PDCL2: variants seen among roughly 807,000 people sequenced by gnomAD.
The protein encoded by PDCL2 is phosducin-like protein 2.
PDCL2 carries 23 observed loss-of-function variants against 30.3 expected under a neutral mutation model. The observed-to-expected ratio is 0.76, with a 90% CI of 0.55 to 1.08. The LOEUF (loss-of-function observed/expected upper bound fraction) is 1.08. PDCL2 is among the 50% of genes least tolerant of loss of function. The probability of loss-of-function intolerance (pLI) is 0.00; values close to 1 mark genes in which losing one functional copy is unlikely to be tolerated. For missense variants in PDCL2, 243 were observed against 282.3 expected (o/e 0.86, Z 1.00); for synonymous variants, 68 against 86.2 (o/e 0.79, Z 1.17).
intron 3 of PDCL2, among the ~76,000 whole-genome samples, chr4:55,572,585 A>T (rs1320990523): frequency 6.6e-6 from 1 of 152,230 alleles, no homozygotes; most frequent in Non-Finnish European, 1.5e-5. Flanking sequence ...TGAGGGGATC[A>T]ATCATATCCC....
At position 55,591,313 on chromosome 4, in the gene PDCL2, A is replaced by C. The variant is rs547198087; in HGVS notation, c.6+791T>G. Reference sequence around the variant, plus strand: ...TACCAAAAAAAAAAAAGGACGGCACAGGCTTCTGATTAATAAGGAACCATT... The same window carrying C: ...TACCAAAAAAAAAAAAGGACGGCACCGGCTTCTGATTAATAAGGAACCATT... On this transcript the variant is annotated intron_variant, in intron 1 of 5. Transcript: ENST00000295645. Among the ~76,000 whole-genome samples the C allele has an allele frequency of 2.6e-3, 388 of 151,692 alleles. 3 individuals carry two copies. The highest frequency in any genetic ancestry group is 9.0e-3 in the African/African-American group (374 of 41,404).
At chr4:55,563,783 A>G (rs766594477) in intron 4 of PDCL2, among the ~76,000 whole-genome samples, 36 of 152,190 alleles carry the variant, frequency 2.4e-4, no homozygotes, top group Non-Finnish European at 3.4e-4. Context: ...TACAGTGACA[A>G]GACAGGCTAT....
At chr4:55,577,140 C>CT (rs1476941732) in intron 3 of PDCL2, among the ~76,000 whole-genome samples, 1 of 152,206 alleles carries the variant, frequency 6.6e-6, no homozygotes, top group African/African-American at 2.4e-5. Context: ...GGTGATCCGC[C>CT]TGCCTTGGTC....
chr4:55,579,177 CT>C (rs1017154763), intron 3 of PDCL2, among the ~76,000 whole-genome samples: 178 of 139,790 alleles, frequency 1.3e-3, no homozygotes, highest in Middle Eastern at 3.8e-3. Context: ...ACTCCTGGGA[CT>C]TTTTTTTTTT....
intron 3 of PDCL2, among the ~76,000 whole-genome samples, chr4:55,576,529 A>T (rs966849810): frequency 9.8e-5 from 15 of 152,358 alleles, no homozygotes; most frequent in Admixed American, 7.8e-4. Flanking sequence ...AAGGAGAAGG[A>T]TGGAGATGTG....
At chr4:55,588,072 G>A (rs1365025177) in intron 1 of PDCL2, among the ~76,000 whole-genome samples, 3 of 151,988 alleles carry the variant, frequency 2.0e-5, no homozygotes, top group Non-Finnish European at 4.4e-5. Flanking sequence ...GTTAATTTTT[G>A]TATACAGTTG....
At chr4:55,560,929 C>A (rs2110152255) in intron 5 of PDCL2, among the ~76,000 whole-genome samples, 1 of 152,260 alleles carries the variant, frequency 6.6e-6, no homozygotes, top group African/African-American at 2.4e-5. Context: ...TGATCTGGGA[C>A]TTCCCAGCCT....
intron 3 of PDCL2, among the ~76,000 whole-genome samples, chr4:55,572,032 C>T (rs1351989971): frequency 6.6e-6 from 1 of 152,046 alleles, no homozygotes; most frequent in Non-Finnish European, 1.5e-5. Context: ...TCTAATGGTG[C>T]AACTATCAAC....
chr4:55,564,854 G>A (rs181563350), intron 4 of PDCL2, among the ~76,000 whole-genome samples: 6 of 152,194 alleles, frequency 3.9e-5, no homozygotes, highest in African/African-American at 1.4e-4. Context: ...TTTTAACAGT[G>A]AGAGAATTAT....
chr4:55,572,180 G>C (rs1732443260), intron 3 of PDCL2, among the ~76,000 whole-genome samples: 1 of 152,264 alleles, frequency 6.6e-6, no homozygotes, highest in Non-Finnish European at 1.5e-5. Flanking sequence ...TCAATGGCCT[G>C]CGTTTTTCAC....
At chr4:55,577,784 A>G (rs911707205) in intron 3 of PDCL2, among the ~76,000 whole-genome samples, 2 of 152,176 alleles carry the variant, frequency 1.3e-5, no homozygotes. Context: ...TCCGTAAGAT[A>G]GTTGTCTTAA....
chr4:55,585,211 G>A (rs547503617), intron 1 of PDCL2, among the ~76,000 whole-genome samples: 11 of 152,250 alleles, frequency 7.2e-5, no homozygotes, highest in Non-Finnish European at 1.5e-4. Flanking sequence ...TGGCTTTGAT[G>A]TCAAGGTAAT....
At chr4:55,568,733 C>G (rs1233994882) in intron 4 of PDCL2, among the ~76,000 whole-genome samples, 1 of 152,132 alleles carries the variant, frequency 6.6e-6, no homozygotes, top group East Asian at 1.9e-4. Context: ...ATTCTCCACC[C>G]AGTAACATCC....
At chr4:55,584,943 G>T (rs6554292) in intron 1 of PDCL2, among the ~76,000 whole-genome samples, 64,173 of 151,968 alleles carry the variant, frequency 0.42, 15,235 homozygotes, top group African/African-American at 0.64. Flanking sequence ...ATTAAATTTG[G>T]TTGAATGTTT....
intron 3 of PDCL2, among the ~76,000 whole-genome samples, chr4:55,576,066 A>G (rs1732560938): frequency 6.6e-6 from 1 of 152,100 alleles, no homozygotes; most frequent in Non-Finnish European, 1.5e-5. Context: ...TACATAGGAA[A>G]ATGTAAAAGC....
At chr4:55,587,616 T>C (rs1302385888) in intron 1 of PDCL2, among the ~76,000 whole-genome samples, 4 of 151,910 alleles carry the variant, frequency 2.6e-5, no homozygotes, top group African/African-American at 9.7e-5. Context: ...TGGAGTGCAG[T>C]GGAGCAATCT....
intron 1 of PDCL2, among the ~76,000 whole-genome samples, chr4:55,589,449 C>T (rs535908380): frequency 5.9e-5 from 9 of 152,272 alleles, no homozygotes; most frequent in African/African-American, 2.2e-4. Context: ...CCCAACAATA[C>T]GACTCAGGTT....
At chr4:55,579,658 G>A (rs949879590) in intron 3 of PDCL2, among the ~76,000 whole-genome samples, 4 of 152,170 alleles carry the variant, frequency 2.6e-5, no homozygotes, top group African/African-American at 9.7e-5. Flanking sequence ...TGCTCCTGGA[G>A]TATGGCTGTT....
intron 1 of PDCL2, among the ~76,000 whole-genome samples, chr4:55,586,463 C>T (rs1732867022): frequency 6.6e-6 from 1 of 152,176 alleles, no homozygotes; most frequent in Non-Finnish European, 1.5e-5. Context: ...GCTTATTTCG[C>T]TTAGCATGTT....
Sources: allele counts gnomAD v4.1 joint callset (sites outside exome capture counted in the v4.1 genomes callset), GRCh38; gene constraint gnomAD v4.1.1; transcripts MANE v1.5; gene names NCBI Gene and HGNC (gene_info 2026-07-23, HGNC 2026-07-21).